Variants in RFX7 observed in about 807,000 individuals in gnomAD.
RFX7 encodes the protein regulatory factor X7.
A neutral mutation model predicts 111.8 loss-of-function variants in RFX7; 26 were observed. That is an observed-to-expected ratio of 0.23 (90% CI 0.17 to 0.32). RFX7 has a LOEUF of 0.32. Ranked by LOEUF, RFX7 falls within the 10% of genes least tolerant of loss-of-function variation. RFX7 has a pLI of 1.00. For missense variants in RFX7, 1,573 were observed against 1,772.9 expected (o/e 0.89, Z 2.02); for synonymous variants, 624 against 624.4 (o/e 1.00, Z 0.01).
intron 5 of RFX7, among the ~76,000 whole-genome samples, chr15:56,129,106 T>A (rs773532914): frequency 4.6e-5 from 7 of 152,280 alleles, no homozygotes; most frequent in Middle Eastern, 3.4e-3. Context: ...CCAGGCACAA[T>A]GGCTCACGCC....
intron 6 of RFX7, among the ~76,000 whole-genome samples, chr15:56,103,232 T>C (rs533947353): frequency 6.6e-6 from 1 of 151,056 alleles, no homozygotes; most frequent in South Asian, 2.1e-4. Flanking sequence ...TTTATTCTTA[T>C]AATTGTTAAA....
intron 2 of RFX7, among the ~76,000 whole-genome samples, chr15:56,228,662 A>C (rs76740259): frequency 0.13 from 19,817 of 152,208 alleles, 1,691 homozygotes; most frequent in East Asian, 0.44. Context: ...ACAATACTTT[A>C]AACTTTTAAA....
chr15:56,195,146 G>C (rs2043135408), intron 2 of RFX7, among the ~76,000 whole-genome samples: 1 of 152,150 alleles, frequency 6.6e-6, no homozygotes. Context: ...CTAAGTGAAA[G>C]AAGGCAGACA....
chr15:56,184,774 T>C (rs775085003), intron 2 of RFX7, among the ~76,000 whole-genome samples: 17 of 152,236 alleles, frequency 1.1e-4, no homozygotes, highest in Non-Finnish European at 2.5e-4. Context: ...ATCTTGTCAT[T>C]CACGTTGCTT....
intron 2 of RFX7, among the ~76,000 whole-genome samples, chr15:56,230,503 G>A (rs567241902): frequency 9.2e-5 from 14 of 152,090 alleles, no homozygotes; most frequent in Non-Finnish European, 1.6e-4. Context: ...ACCACATTAT[G>A]TTATCAAATA....
intron 2 of RFX7, among the ~76,000 whole-genome samples, chr15:56,191,009 T>A (rs1382286475): frequency 1.3e-5 from 2 of 152,250 alleles, no homozygotes; most frequent in East Asian, 3.8e-4. Flanking sequence ...TTAGGCTGGC[T>A]ATTTTCTGTT....
chr15:56,149,319 G>A (rs1278763634), intron 3 of RFX7, among the ~76,000 whole-genome samples: 2 of 152,146 alleles, frequency 1.3e-5, no homozygotes, highest in Non-Finnish European at 2.9e-5. Flanking sequence ...CAACATCATA[G>A]ATTAGCCCAT....
chr15:56,243,941 G>C (rs1358291953), upstream of RFX7: 2 of 149,996 alleles, frequency 1.3e-5, no homozygotes, highest in Non-Finnish European at 3.0e-5. Flanking sequence ...GTGGACCAGG[G>C]TGTGCGGGCC....
At chr15:56,120,259 A>G (rs1185988559) in intron 5 of RFX7, among the ~76,000 whole-genome samples, 1 of 152,196 alleles carries the variant, frequency 6.6e-6, no homozygotes, top group Non-Finnish European at 1.5e-5. Flanking sequence ...ATTTGTAGCT[A>G]TTGTAAATAG....
chr15:56,237,124 T>C (rs1392969812), intron 2 of RFX7, among the ~76,000 whole-genome samples: 2 of 152,212 alleles, frequency 1.3e-5, no homozygotes, highest in Admixed American at 6.5e-5. Flanking sequence ...GTTGTCAATA[T>C]TGATTTAGTA....
Position 56,178,203 on chromosome 15 carries a change from A to ACACG in RFX7, c.195+1066_195+1067insCGTG, listed in dbSNP as rs1555423780. Among the ~76,000 whole-genome samples, 166 of 148,890 alleles carry ACACG rather than the reference A, an allele frequency of 1.1e-3. 5 individuals carry two copies. The highest frequency in any genetic ancestry group is 4.0e-3 in the African/African-American group (156 of 39,414). Reference sequence around the variant, plus strand: ...CACACACACACACACACACACACACACACACACAACAAAAAGAAGAGTAAA... The same window carrying ACACG: ...CACACACACACACACACACACACACACACGCACACACAACAAAAAGAAGAGTAAA... On this transcript the variant is annotated intron_variant, in intron 3 of 9. Coordinates refer to ENST00000559447, the MANE Select transcript of RFX7 (RefSeq NM_022841.7).
intron 5 of RFX7, among the ~76,000 whole-genome samples, chr15:56,106,990 C>T (rs895190211): frequency 3.9e-5 from 6 of 151,994 alleles, no homozygotes; most frequent in East Asian, 3.9e-4. Context: ...TCTGTTTACG[C>T]GATCACTAAC....
intron 2 of RFX7, among the ~76,000 whole-genome samples, chr15:56,219,022 C>T (rs1279210321): frequency 6.6e-6 from 1 of 152,092 alleles, no homozygotes; most frequent in Non-Finnish European, 1.5e-5. Flanking sequence ...AGAGTGAAAA[C>T]ATACAAACAT....
intron 3 of RFX7, among the ~76,000 whole-genome samples, chr15:56,150,301 C>T (rs1335582683): frequency 6.6e-6 from 1 of 152,150 alleles, no homozygotes; most frequent in African/African-American, 2.4e-5. Flanking sequence ...TGCAGCGTTC[C>T]AGCTCTGCTA....
intron 2 of RFX7, among the ~76,000 whole-genome samples, chr15:56,214,445 G>A (rs1381810488): frequency 6.6e-6 from 1 of 152,138 alleles, no homozygotes; most frequent in Admixed American, 6.5e-5. Flanking sequence ...GTCAGGCGCG[G>A]TGGCTCACGC....
intron 2 of RFX7, among the ~76,000 whole-genome samples, chr15:56,218,176 C>T (rs1344458992): frequency 2.9e-5 from 2 of 69,866 alleles, no homozygotes; most frequent in Non-Finnish European, 4.8e-5. Context: ...TTTTTTGAGA[C>T]GGAGTCTTGC....
chr15:56,194,956 C>G (rs2043133316), intron 2 of RFX7, among the ~76,000 whole-genome samples: 1 of 152,088 alleles, frequency 6.6e-6, no homozygotes, highest in South Asian at 2.1e-4. Flanking sequence ...CACAAATGGG[C>G]TGATGTTCAT....
At chr15:56,212,708 A>G (rs1304442334) in intron 2 of RFX7, among the ~76,000 whole-genome samples, 3 of 152,186 alleles carry the variant, frequency 2.0e-5, no homozygotes, top group Admixed American at 2.0e-4. Flanking sequence ...ATTAAAGAAG[A>G]CAAGCTTTAG....
intron 2 of RFX7, among the ~76,000 whole-genome samples, chr15:56,210,167 G>T (rs1404591582): frequency 6.6e-6 from 1 of 152,022 alleles, no homozygotes; most frequent in Non-Finnish European, 1.5e-5. Context: ...CTAGTCAAAA[G>T]AAAGTAGGAG....
Sources: allele counts gnomAD v4.1 joint callset (sites outside exome capture counted in the v4.1 genomes callset), GRCh38; gene constraint gnomAD v4.1.1; transcripts MANE v1.5; gene names NCBI Gene and HGNC (gene_info 2026-07-23, HGNC 2026-07-21).